DRC7: variants seen among roughly 807,000 people sequenced by gnomAD.
DRC7 encodes the protein dynein regulatory complex subunit 7, also known as coiled-coil domain containing 135.
Under a neutral mutation model 104.4 loss-of-function variants are expected in DRC7, and 80 were observed. The observed-to-expected ratio is 0.77, with a 90% confidence interval of 0.64 to 0.92. DRC7 has a LOEUF of 0.92. Ranked by LOEUF, DRC7 falls within the 40% of genes least tolerant of loss-of-function variation. The pLI is 0.00. For synonymous variants in DRC7, 405 were observed against 447.3 expected, an observed-to-expected ratio of 0.91 and a Z score of 1.19; for missense variants, 1,034 against 1,141.1, an observed-to-expected ratio of 0.91 and a Z score of 1.35.
intron 11 of DRC7, 29 bp downstream of exon 11, chr16:57,722,870 C>T: frequency 1.2e-6 from 2 of 1,613,004 alleles, no homozygotes; most frequent in Non-Finnish European, 8.5e-7. Context: ...GACATGGGTC[C>T]AGGCCAGCCC....
rs190780782 is a variant in DRC7, at chr16:57,695,349, C to G, written c.-169+497C>G. 1.5e-3 allele frequency among the ~76,000 whole-genome samples: 227 copies of G among 151,552 alleles called. 2 individuals are homozygous for G. Among genetic ancestry groups the G allele is most frequent in the South Asian group, 9.9e-3 (47 of 4,742 alleles). ...GTTCAAATCCCAGACCTGCTACTTA[C>G]TGGCTGTACCTTAAGCAGTGCACTT... On this transcript the variant is annotated intron_variant, in intron 1 of 18. Coordinates refer to ENST00000360716, the MANE Select transcript of DRC7 (RefSeq NM_001289162.2).
chr16:57,703,817 A>C (rs2048683724), intron 6 of DRC7, among the ~76,000 whole-genome samples: 1 of 151,982 alleles, frequency 6.6e-6, no homozygotes, highest in Admixed American at 6.6e-5. Flanking sequence ...AAATATAAAA[A>C]TTAGCTGGGT....
chr16:57,728,302 C>T, intron 16 of DRC7, 88 bp from the exon 17 acceptor site: 1 of 1,317,060 alleles, frequency 7.6e-7, no homozygotes, highest in Middle Eastern at 2.4e-4. Context: ...TGAGGTCTGG[C>T]TTTGTGCTGG....
Position 57,727,427 on chromosome 16 carries a change from C to T in DRC7, c.2196+18C>T, listed in dbSNP as rs753783009. 1.8e-5 allele frequency: 28 copies of T among 1,582,588 alleles called. 1 individual carries two copies. The highest frequency in any genetic ancestry group is 4.4e-5 in the South Asian group (4 of 90,472). The stretch of plus-strand genomic sequence containing the variant: ...AGGCCATGGTCAGTCCCAATCCCTT[C>T]TCCAGGCCCCAGCTTTTCCTAGACC... On this transcript the variant is annotated intron_variant, in intron 16 of 18. Transcript: ENST00000360716.
At chr16:57,709,524 G>A (rs1435492215) in intron 8 of DRC7, among the ~76,000 whole-genome samples, 3 of 151,860 alleles carry the variant, frequency 2.0e-5, no homozygotes, top group African/African-American at 7.3e-5. Context: ...CAGTTCACTA[G>A]CAGGTTTTTT....
chr16:57,724,965 A>C, intron 13 of DRC7, 130 bp downstream of exon 13: 2 of 657,276 alleles, frequency 3.0e-6, no homozygotes, highest in Non-Finnish European at 5.3e-6. Flanking sequence ...ACCAATGATG[A>C]ACCAAGCATT....
At chr16:57,697,811 C>A in intron 2 of DRC7, 102 bp from the exon 3 acceptor site, 1 of 1,368,674 alleles carries the variant, frequency 7.3e-7, no homozygotes, top group Non-Finnish European at 9.9e-7. Context: ...TCGACACCTC[C>A]TCAAAACCAT....
intron 7 of DRC7, among the ~76,000 whole-genome samples, chr16:57,706,918 T>C (rs1327764440): frequency 2.6e-5 from 4 of 151,590 alleles, no homozygotes; most frequent in African/African-American, 9.7e-5. Flanking sequence ...CCATCAGTCC[T>C]CTCATCCATC....
chr16:57,701,979 A>G lies in DRC7; in HGVS notation c.548A>G (p.Lys183Arg). The change falls in exon 6 of 19, where the codon AAG becomes AGG. Residue 183 changes from lysine to arginine, a missense_variant. Lys to Arg is a conservative substitution (Grantham distance 26). Coordinates refer to ENST00000360716, the MANE Select transcript of DRC7 (RefSeq NM_001289162.2). ...TCGACCACTGTGCTCAAGTACCAGA[A>G]GGGGAACTGCTTTGACTTCAGTACG... ...YSSTTVLKYQ[K>R]GNCFDFSTLL... is the part of the protein sequence containing the mutation. 1 of 1,614,204 alleles carries G rather than the reference A, an allele frequency of 6.2e-7. No homozygotes were observed. The highest frequency in any genetic ancestry group is 8.5e-7 in the Non-Finnish European group (1 of 1,180,028).
At chr16:57,714,826 C>T (rs1020504062) in intron 8 of DRC7, 16 of 357,412 alleles carry the variant, frequency 4.5e-5, no homozygotes, top group Admixed American at 1.4e-4. Flanking sequence ...TTCTTCCTTC[C>T]CAGTATATAC....
At position 57,705,021 on chromosome 16, in the gene DRC7, A is replaced by G. The variant is rs1279604512; in HGVS notation, c.845A>G (p.Glu282Gly). The change falls in exon 7 of 19, where the codon GAG becomes GGG. Residue 282 changes from glutamate to glycine, a missense_variant. Physicochemically the swap from Glu to Gly is moderately conservative, Grantham distance 98. Transcript: ENST00000360716. ...AQEKKRLREE[E>G]ERLMEAEKAK... ...GAGAAGAAGCGGCTGAGGGAGGAGG[A>G]GGAGCGCCTCATGGTGGGTCCTCAG... 1 of 1,612,168 alleles carries G rather than the reference A, an allele frequency of 6.2e-7. No individual in the cohort carries two copies. The highest frequency in any genetic ancestry group is 8.5e-7 in the Non-Finnish European group (1 of 1,179,840).
intron 8 of DRC7, among the ~76,000 whole-genome samples, chr16:57,710,117 A>C (rs1283067233): frequency 6.6e-6 from 1 of 152,170 alleles, no homozygotes; most frequent in Non-Finnish European, 1.5e-5. Flanking sequence ...ATTGAGAGAG[A>C]ACCGTTTTCT....
Position 57,700,288 on chromosome 16 carries a change from G to T in DRC7, c.504+18G>T, listed in dbSNP as rs1307525105. On this transcript the variant is annotated intron_variant, in intron 5 of 18. Transcript: ENST00000360716. Reference sequence around the variant, plus strand: ...TCAAGCCGGTAAGCACCACTCACAGGCTGCATGCCTGAGCCCACCAGGACT... The same window carrying T: ...TCAAGCCGGTAAGCACCACTCACAGTCTGCATGCCTGAGCCCACCAGGACT... 1.2e-6 allele frequency: 2 copies of T among 1,607,010 alleles called. No homozygotes were observed. The highest frequency in any genetic ancestry group is 1.1e-5 in the South Asian group (1 of 90,680).
chr16:57,711,164 G>A (rs1341615396), intron 8 of DRC7, among the ~76,000 whole-genome samples: 1 of 152,216 alleles, frequency 6.6e-6, no homozygotes, highest in Non-Finnish European at 1.5e-5. Flanking sequence ...GACTCAAGCT[G>A]TTTTTGAGTG....
chr16:57,723,057 G>A lies in DRC7; in HGVS notation c.1464G>A (p.Glu488=). The change falls in exon 12 of 19, where the codon GAG becomes GAA. Residue 488 remains glutamate, a synonymous_variant. Coordinates refer to ENST00000360716, the MANE Select transcript of DRC7 (RefSeq NM_001289162.2). ...ACCAGAACCGGGAAGACATGCTGGA[G>A]CTGAAACACATAAACAAGACCACAG... is the stretch of plus-strand genomic sequence containing the variant. ...EWYQNREDML[E]LKHINKTTDL... 6.2e-7 allele frequency: 1 copy of A among 1,613,920 alleles called. No individual in the cohort carries two copies. Among genetic ancestry groups the A allele is most frequent in the South Asian group, 1.1e-5 (1 of 91,078 alleles).
chr16:57,721,861 T>C, intron 10 of DRC7, 122 bp downstream of exon 10: 1 of 686,318 alleles, frequency 1.5e-6, no homozygotes, highest in Non-Finnish European at 2.5e-6. Flanking sequence ...TTTCCACCCT[T>C]CTCACCTTCA....
chr16:57,726,687 A>G, intron 14 of DRC7, 145 bp from the exon 15 acceptor site: 3 of 583,048 alleles, frequency 5.1e-6, no homozygotes, highest in South Asian at 2.2e-5. Flanking sequence ...TATTTTTATA[A>G]GTGAGAAAAT....
intron 7 of DRC7, among the ~76,000 whole-genome samples, chr16:57,706,222 A>C (rs1236171958): frequency 1.8e-5 from 2 of 112,932 alleles, no homozygotes; most frequent in African/African-American, 3.5e-5. Context: ...CCTCCCATCC[A>C]TCCATCCTCC....
intron 17 of DRC7, among the ~76,000 whole-genome samples, chr16:57,729,847 C>G: frequency 1.7e-5 from 1 of 60,256 alleles, no homozygotes; most frequent in East Asian, 5.7e-4. Flanking sequence ...GGTGGATGGA[C>G]GAATGGATGG....
Sources: allele counts gnomAD v4.1 joint callset (sites outside exome capture counted in the v4.1 genomes callset), GRCh38; gene constraint gnomAD v4.1.1; transcripts MANE v1.5; gene names NCBI Gene and HGNC (gene_info 2026-07-23, HGNC 2026-07-21).